Variants in FAM162A observed in about 807,000 individuals in gnomAD.
FAM162A encodes protein FAM162A.
A neutral mutation model predicts 21.8 loss-of-function variants in FAM162A; 23 were observed. The ratio of observed to expected loss-of-function variants is 1.05; its 90% CI spans 0.76 to 1.49. The LOEUF (loss-of-function observed/expected upper bound fraction) is 1.49, where lower values mean the gene tolerates loss of function less well. FAM162A is among the 40% of genes most tolerant of loss of function. FAM162A has a pLI of 0.00. For missense variants in FAM162A, 165 were observed against 186.4 expected, an observed-to-expected ratio of 0.89 and a Z score of 0.67; for synonymous variants, 53 against 61.3, an observed-to-expected ratio of 0.86 and a Z score of 0.64.
chr3:122,409,092 G>C (rs895697981), intron 4 of FAM162A, among the ~76,000 whole-genome samples: 2 of 150,950 alleles, frequency 1.3e-5, no homozygotes, highest in African/African-American at 4.9e-5. Flanking sequence ...AGCTTAGGGT[G>C]CTAGTTTCAC....
chr3:122,407,432 C>A, intron 4 of FAM162A, 43 bp downstream of exon 4: 2 of 1,460,008 alleles, frequency 1.4e-6, no homozygotes, highest in South Asian at 1.1e-5. Flanking sequence ...ATGTTCTCCA[C>A]CAAGAACCTA....
At chr3:122,390,762 A>G (rs752825672) in intron 1 of FAM162A, among the ~76,000 whole-genome samples, 1 of 152,234 alleles carries the variant, frequency 6.6e-6, no homozygotes, top group Admixed American at 6.5e-5. Context: ...AGTTGGGTCC[A>G]GTAATCTGTT....
chr3:122,389,437 G>GATA (rs1559998818), intron 1 of FAM162A, among the ~76,000 whole-genome samples: 2 of 144,818 alleles, frequency 1.4e-5, no homozygotes, highest in African/African-American at 5.2e-5. Context: ...ATAGATAGAT[G>GATA]AGATAGATAG....
chr3:122,400,599 C>T (rs192733925), intron 1 of FAM162A, among the ~76,000 whole-genome samples: 44 of 152,040 alleles, frequency 2.9e-4, no homozygotes, highest in Non-Finnish European at 5.9e-4. Context: ...CCGAGGCAGG[C>T]GGATCACCTA....
chr3:122,409,695 C>T, intron 4 of FAM162A, 44 bp from the exon 5 acceptor site: 1 of 1,568,516 alleles, frequency 6.4e-7, no homozygotes, highest in Non-Finnish European at 8.8e-7. Flanking sequence ...ACACCCTCCC[C>T]TGACCAGCAT....
chr3:122,389,390 GA>G (rs1674210067), intron 1 of FAM162A, among the ~76,000 whole-genome samples: 1 of 47,126 alleles, frequency 2.1e-5, no homozygotes, highest in Non-Finnish European at 5.0e-5. Context: ...TGGATAGATA[GA>G]TAGATAGATA....
intron 1 of FAM162A, among the ~76,000 whole-genome samples, chr3:122,395,161 C>A (rs1231770481): frequency 6.6e-6 from 1 of 152,176 alleles, no homozygotes. Flanking sequence ...CAACTAACAT[C>A]GGACTTAATG....
intron 1 of FAM162A, among the ~76,000 whole-genome samples, chr3:122,393,960 C>T (rs556075908): frequency 1.1e-4 from 16 of 152,212 alleles, no homozygotes; most frequent in African/African-American, 3.4e-4. Flanking sequence ...TAAAGAAAAG[C>T]AGTTTAATTG....
At chr3:122,386,174 A>G (rs1472203166) in intron 1 of FAM162A, among the ~76,000 whole-genome samples, 1 of 152,222 alleles carries the variant, frequency 6.6e-6, no homozygotes, top group Non-Finnish European at 1.5e-5. Flanking sequence ...CTGAAATGAA[A>G]GTACACCTTC....
rs748266678 is a variant in FAM162A at position 122,409,913 on chromosome 3, G to T, written c.*82G>T. ...CTGTATTAAAAAGGATGTGGTATGA[G>T]GATCCATTTCATAAAGTATGATTTG... On this transcript the variant is annotated 3_prime_UTR_variant, in exon 5 of 5. Coordinates refer to ENST00000477892, the MANE Select transcript of FAM162A (RefSeq NM_014367.4). The T allele has an allele frequency of 2.1e-5, 25 of 1,183,204 alleles. No homozygotes were observed. The highest frequency in any genetic ancestry group is 1.8e-5 in the Admixed American group (1 of 55,348). The allele number at this position is 1,183,204 out of a possible 1,614,324, so 73.3% of individuals were successfully genotyped here.
intron 1 of FAM162A, among the ~76,000 whole-genome samples, chr3:122,400,358 C>T (rs1358236548): frequency 2.6e-5 from 4 of 151,524 alleles, no homozygotes; most frequent in African/African-American, 9.8e-5. Context: ...ACATCATGCA[C>T]CAGGGCCTGT....
intron 3 of FAM162A, among the ~76,000 whole-genome samples, 188 bp from the exon 4 acceptor site, chr3:122,407,093 C>T (rs749261817): frequency 6.6e-6 from 1 of 151,278 alleles, no homozygotes; most frequent in Non-Finnish European, 1.5e-5. Context: ...AAATGAGTTA[C>T]GAAAAATGCC....
Position 122,410,869 on chromosome 3 carries a change from G to C in FAM162A, c.*1038G>C, listed in dbSNP as rs932771596. The C allele has an allele frequency of 6.6e-6, 1 of 152,142 alleles. No homozygotes were observed. The highest frequency in any genetic ancestry group is 2.4e-5 in the African/African-American group (1 of 41,422). The allele number at this position is 152,142 out of a possible 1,614,324, so 9.4% of individuals were successfully genotyped here. On this transcript the variant is annotated 3_prime_UTR_variant, in exon 5 of 5. Transcript: ENST00000477892. Reference sequence around the variant, plus strand: ...TGGGATGTGAATCATCCCTCTCTCTGGTGTATTCACACTGTATGTGCTAGC... The same window carrying C: ...TGGGATGTGAATCATCCCTCTCTCTCGTGTATTCACACTGTATGTGCTAGC...
intron 1 of FAM162A, among the ~76,000 whole-genome samples, chr3:122,399,772 G>C: frequency 6.6e-6 from 1 of 152,018 alleles, no homozygotes; most frequent in East Asian, 1.9e-4. Flanking sequence ...CTTTTTCTCT[G>C]AAACCTCACC....
At chr3:122,392,454 T>C (rs1012734168) in intron 1 of FAM162A, among the ~76,000 whole-genome samples, 3 of 152,226 alleles carry the variant, frequency 2.0e-5, no homozygotes, top group South Asian at 4.1e-4. Context: ...GCCACTGAAT[T>C]GTACACTTAA....
chr3:122,388,692 C>A (rs1489220782), intron 1 of FAM162A, among the ~76,000 whole-genome samples: 3 of 151,892 alleles, frequency 2.0e-5, no homozygotes, highest in Admixed American at 6.6e-5. Flanking sequence ...TGAGATCAGT[C>A]GAATCAAATG....
In FAM162A at chr3:122,407,649, CT is replaced by C. The variant is rs2075683162; in HGVS notation, c.372+261del. ...TGTAATGTAAATTTAAAAAGTGTTT[CT>C]GATGACAGGTGTCATAATGTAAATT... On this transcript the variant is annotated intron_variant, in intron 4 of 4. Transcript: ENST00000477892. 8.2e-6 allele frequency: 4 copies of C among 489,772 alleles called. No homozygotes were observed. The East Asian group carries it at 1.2e-4, about 15-fold the overall frequency. The allele number at this position is 489,772 out of a possible 1,614,324, so 30.3% of individuals were successfully genotyped here.
chr3:122,395,696 C>G (rs116642978), intron 1 of FAM162A, among the ~76,000 whole-genome samples: 418 of 152,244 alleles, frequency 2.7e-3, no homozygotes, highest in Admixed American at 6.9e-3. Context: ...TCCTCAAATT[C>G]ATACAGAAAT....
chr3:122,400,469 A>G (rs1016461827), intron 1 of FAM162A, among the ~76,000 whole-genome samples: 14 of 152,174 alleles, frequency 9.2e-5, no homozygotes, highest in Non-Finnish European at 1.9e-4. Context: ...GTGTATACCT[A>G]TGTAACAAAC....
Sources: gnomAD v4.1 joint callset for allele counts (sites outside exome capture counted in the v4.1 genomes callset) on GRCh38, gnomAD v4.1.1 for gene constraint, MANE v1.5 for transcripts, NCBI Gene and HGNC (gene_info 2026-07-23, HGNC 2026-07-21) for gene names.